Variants in TLN2 observed in about 807,000 individuals in gnomAD.
The protein encoded by TLN2 is talin 2, also known as talin-2.
TLN2 carries 118 observed loss-of-function variants against 294.7 expected under a neutral mutation model. That is an observed-to-expected ratio of 0.40 (90% CI 0.34 to 0.47). The LOEUF (loss-of-function observed/expected upper bound fraction) is 0.47. Ranked by LOEUF, TLN2 falls within the 20% of genes least tolerant of loss-of-function variation. The probability of loss-of-function intolerance (pLI) is 0.84; values close to 1 mark genes in which losing one functional copy is unlikely to be tolerated. For synonymous variants in TLN2, 1,431 were observed against 1,304.5 expected (o/e 1.10, Z -2.09); for missense variants, 3,083 against 3,282.2 (o/e 0.94, Z 1.48).
chr15:62,470,594 C>T (rs1017114360), intron 1 of TLN2, among the ~76,000 whole-genome samples: 3 of 152,192 alleles, frequency 2.0e-5, no homozygotes, highest in Admixed American at 1.3e-4. Context: ...CCCAGCAGCC[C>T]TAAGAGTGGC....
At chr15:62,654,360 A>G (rs1295762996) in intron 7 of TLN2, among the ~76,000 whole-genome samples, 2 of 152,172 alleles carry the variant, frequency 1.3e-5, no homozygotes, top group Non-Finnish European at 2.9e-5. Context: ...GGTGATGTGC[A>G]CTTCCATCAG....
rs150265245 is a variant in TLN2, at chr15:62,672,106, T to C, written c.789-1721T>C. Among the ~76,000 whole-genome samples, 24 of 152,348 alleles carry C rather than the reference T, an allele frequency of 1.6e-4. 1 individual carries two copies. Among genetic ancestry groups the C allele is most frequent in the African/African-American group, 4.8e-4 (20 of 41,584 alleles). On this transcript the variant is annotated intron_variant, in intron 9 of 58. Transcript: ENST00000636159. ...CCGATCAAGTTGTTATTTTTTTGTCTTATAGCCGTTGAAATGTGCTTTGAT... is the reference window on the plus strand; with the variant it reads ...CCGATCAAGTTGTTATTTTTTTGTCCTATAGCCGTTGAAATGTGCTTTGAT...
intron 43 of TLN2, among the ~76,000 whole-genome samples, chr15:62,778,779 TC>T (rs1342652409): frequency 1.3e-5 from 2 of 152,238 alleles, no homozygotes; most frequent in Non-Finnish European, 2.9e-5. Context: ...CAGGAGCTGT[TC>T]TTCCCCCCTC....
At chr15:62,550,741 G>C (rs76745219) in intron 1 of TLN2, among the ~76,000 whole-genome samples, 1,735 of 152,170 alleles carry the variant, frequency 0.011, 21 homozygotes, top group Admixed American at 0.017. Flanking sequence ...TCCTCAAACT[G>C]TTCTTGATTT....
chr15:62,503,988 C>A (rs945761928), intron 1 of TLN2, among the ~76,000 whole-genome samples: 3 of 151,542 alleles, frequency 2.0e-5, no homozygotes, highest in Non-Finnish European at 2.9e-5. Flanking sequence ...CCTGTTTTTT[C>A]ATCTGTGCTT....
In TLN2 at chr15:62,419,101, T is replaced by C. The variant is rs1049907261; in HGVS notation, c.-238+28416T>C. ...TGAAGATTTAGCATTCAGATTGAGA[T>C]ATGTGCTGTAAATGTAAAACACACA... On this transcript the variant is annotated intron_variant, in intron 1 of 58. Transcript: ENST00000636159. Among the ~76,000 whole-genome samples the C allele has an allele frequency of 5.3e-5, 8 of 152,342 alleles. No homozygotes were observed. The East Asian group carries it at 1.5e-3, about 29-fold the overall frequency.
chr15:62,522,569 T>C (rs1234667798), intron 1 of TLN2, among the ~76,000 whole-genome samples: 3 of 152,240 alleles, frequency 2.0e-5, no homozygotes, highest in African/African-American at 7.2e-5. Context: ...CTGAAAATCT[T>C]GTCACAGAAG....
chr15:62,759,774 G>A (rs909617494), intron 37 of TLN2, among the ~76,000 whole-genome samples: 2 of 152,188 alleles, frequency 1.3e-5, no homozygotes, highest in Non-Finnish European at 1.5e-5. Context: ...GGTGGGGCTG[G>A]GACCTGAGTT....
At chr15:62,662,001 C>T (rs1328744956) in intron 9 of TLN2, among the ~76,000 whole-genome samples, 1 of 151,920 alleles carries the variant, frequency 6.6e-6, no homozygotes, top group Non-Finnish European at 1.5e-5. Context: ...TTCAGATATG[C>T]AGTTTTAGTA....
chr15:62,798,593 C>T (rs1005769762), intron 48 of TLN2, among the ~76,000 whole-genome samples: 5 of 152,124 alleles, frequency 3.3e-5, no homozygotes, highest in Non-Finnish European at 5.9e-5. Context: ...TTCCCAGAAC[C>T]GTCAAATGCC....
intron 34 of TLN2, among the ~76,000 whole-genome samples, chr15:62,752,095 A>G (rs2061972226): frequency 6.6e-6 from 1 of 152,090 alleles, no homozygotes; most frequent in African/African-American, 2.4e-5. Flanking sequence ...AATACAGATA[A>G]CTTTGGGGTT....
chr15:62,702,957 A>AGATTTAGTTAGTTT, intron 19 of TLN2, 93 bp downstream of exon 19: 1 of 1,126,118 alleles, frequency 8.9e-7, no homozygotes, highest in Non-Finnish European at 1.3e-6. Context: ...AACTAACTAA[A>AGATTTAGTTAGTTT]TCTTTGAGAT....
Position 62,763,626 on chromosome 15 carries a change from G to A in TLN2, c.5025G>A (p.Arg1675=), listed in dbSNP as rs767441200. 4 of 1,613,622 alleles carry A rather than the reference G, an allele frequency of 2.5e-6. No individual in the cohort carries two copies. The South Asian group carries it at 4.4e-5, about 18-fold the overall frequency. The change falls in exon 40 of 59, where the codon CGG becomes CGA. Residue 1675 remains arginine, a synonymous_variant. Transcript: ENST00000636159. ...YSIDGINRCI[R]DIEQASLAAV... is the part of the protein sequence containing the mutation. The stretch of plus-strand genomic sequence containing the variant: ...TCGATGGCATCAACCGGTGCATCCG[G>A]GACATCGAGCAGGCCTCGCTGGCCG...
rs541210070 is a variant in TLN2, at chr15:62,842,079, T to G, written c.*1469T>G. On this transcript the variant is annotated 3_prime_UTR_variant, in exon 59 of 59. Coordinates refer to ENST00000636159, the MANE Select transcript of TLN2 (RefSeq NM_015059.3). ...TTGGTGCTTTGGTCCTCCGAAGATG[T>G]CACCTTTCGACCTTGCCCGATCTTG... 6.6e-5 allele frequency: 10 copies of G among 152,320 alleles called. No homozygotes were observed. In the East Asian group the frequency reaches 1.9e-3, roughly 29 times the overall value. 9.4% of individuals were successfully genotyped at this position (152,320 alleles called of 1,614,324 possible).
rs2033766324 is a variant in TLN2 at position 62,411,410 on chromosome 15, TAGAG to T, written c.-238+20728_-238+20731del. Among the ~76,000 whole-genome samples the T allele has an allele frequency of 3.5e-5, 5 of 142,736 alleles. No homozygotes were observed. In the South Asian group the frequency reaches 1.1e-3, roughly 32 times the overall value. 93.6% of individuals were successfully genotyped at this position (142,736 alleles called of 152,430 possible). A position where few individuals can be genotyped will look rare whatever the true frequency, so the allele number is the denominator to read the frequency against. On this transcript the variant is annotated intron_variant, in intron 1 of 58. Transcript: ENST00000636159. ...ATGGTAATTAGATGTTATTCCTCCTTAGAGAGTGTGAGTAATGGATGTGTGTGTG... is the reference window on the plus strand; with the variant it reads ...ATGGTAATTAGATGTTATTCCTCCTTAGTGTGAGTAATGGATGTGTGTGTG...
At chr15:62,518,842 C>T (rs529278844) in intron 1 of TLN2, among the ~76,000 whole-genome samples, 1 of 152,262 alleles carries the variant, frequency 6.6e-6, no homozygotes, top group South Asian at 2.1e-4. Flanking sequence ...AAGTGATCCA[C>T]CAGCCTCAGC....
In TLN2 at chr15:62,701,204, C is replaced by T; in HGVS notation, c.1686C>T (p.Asn562=). ...CGGCCGGAACGGCTTCAGTTGTTAA[C>T]CTCACAGCTGGTAAGTCCCGGAGAG... ...AITAGTASVV[N]LTAGDPADTD... The change falls in exon 17 of 59, where the codon AAC becomes AAT. Residue 562 remains asparagine (N), a synonymous_variant. Transcript: ENST00000636159. 1 of 1,613,684 alleles carries T rather than the reference C, an allele frequency of 6.2e-7. No homozygotes were observed. The highest frequency in any genetic ancestry group is 8.5e-7 in the Non-Finnish European group (1 of 1,179,670).
intron 52 of TLN2, among the ~76,000 whole-genome samples, chr15:62,813,886 C>T (rs1229041575): frequency 1.3e-5 from 2 of 151,350 alleles, no homozygotes; most frequent in Non-Finnish European, 2.9e-5. Context: ...ATGATCTTGG[C>T]TCACTGTAAC....
chr15:62,418,653 TA>T (rs1177233696), intron 1 of TLN2, among the ~76,000 whole-genome samples: 4 of 152,300 alleles, frequency 2.6e-5, no homozygotes, highest in Middle Eastern at 3.4e-3. Flanking sequence ...AGAGAGTCAG[TA>T]AAAGGTGGTT....
Sources: gnomAD v4.1 joint callset for allele counts (sites outside exome capture counted in the v4.1 genomes callset) on GRCh38, gnomAD v4.1.1 for gene constraint, MANE v1.5 for transcripts, NCBI Gene and HGNC (gene_info 2026-07-23, HGNC 2026-07-21) for gene names.